DCC: variants seen among roughly 807,000 people sequenced by gnomAD.
DCC encodes the protein netrin receptor DCC.
DCC carries 58 observed loss-of-function variants against 172.5 expected under a neutral mutation model. The ratio of observed to expected loss-of-function variants is 0.34; its 90% CI spans 0.27 to 0.42. The LOEUF is 0.42. Ranked by LOEUF, DCC falls within the 10% of genes least tolerant of loss-of-function variation. The pLI, the probability that DCC is intolerant of heterozygous loss-of-function variation, is 1.00. For missense variants in DCC, 1,740 were observed against 1,791.0 expected (o/e 0.97, Z 0.51); for synonymous variants, 709 against 644.5 (o/e 1.10, Z -1.52).
At chr18:52,713,315 A>G (rs2036326435) in intron 1 of DCC, among the ~76,000 whole-genome samples, 1 of 152,224 alleles carries the variant, frequency 6.6e-6, no homozygotes, top group South Asian at 2.1e-4. Flanking sequence ...GGCTAATATC[A>G]CAGTCAGAGA....
rs1012916693 is a variant in DCC at position 53,203,933 on chromosome 18, C to G, written c.1574-1283C>G. 4.6e-5 allele frequency among the ~76,000 whole-genome samples: 7 copies of G among 152,178 alleles called. No individual in the cohort carries two copies. The East Asian group carries it at 1.4e-3, about 29-fold the overall frequency. On this transcript the variant is annotated intron_variant, in intron 9 of 28. Coordinates refer to ENST00000442544, the MANE Select transcript of DCC (RefSeq NM_005215.4). The stretch of plus-strand genomic sequence containing the variant: ...AGGAATACAAAATTATGAAAAAATA[C>G]AAAATTTGCAGAGAATCAAAATGGA...
At chr18:53,434,389 T>C (rs748561826) in intron 21 of DCC, among the ~76,000 whole-genome samples, 52 of 152,192 alleles carry the variant, frequency 3.4e-4, no homozygotes, top group Admixed American at 1.0e-3. Flanking sequence ...AATGCACCAG[T>C]AGAGAAAAAG....
At chr18:52,982,046 A>T (rs1052346718) in intron 5 of DCC, among the ~76,000 whole-genome samples, 1 of 152,150 alleles carries the variant, frequency 6.6e-6, no homozygotes, top group African/African-American at 2.4e-5. Flanking sequence ...CCAGATGCTT[A>T]CATAAAGAGC....
At chr18:53,206,199 TATA>T (rs1205492170) in intron 10 of DCC, among the ~76,000 whole-genome samples, 1 of 4,154 alleles carries the variant, frequency 2.4e-4, no homozygotes. Flanking sequence ...CGTATACATA[TATA>T]ATACATATAC....
intron 2 of DCC, among the ~76,000 whole-genome samples, chr18:52,768,545 C>T (rs1250768773): frequency 6.6e-6 from 1 of 152,180 alleles, no homozygotes; most frequent in Non-Finnish European, 1.5e-5. Flanking sequence ...TTTACCACGA[C>T]AAAAACCTGA....
chr18:52,613,746 T>C (rs567896790), intron 1 of DCC, among the ~76,000 whole-genome samples: 73 of 152,322 alleles, frequency 4.8e-4, no homozygotes, highest in Non-Finnish European at 8.4e-4. Context: ...ACCATGAGTT[T>C]CCTTTGTTAT....
chr18:53,414,305 G>T (rs186781255), intron 20 of DCC, among the ~76,000 whole-genome samples: 44 of 152,096 alleles, frequency 2.9e-4, no homozygotes, highest in Admixed American at 7.9e-4. Flanking sequence ...ACTGTATTAT[G>T]TACTTAAAAT....
At chr18:53,316,469 G>GTT (rs200779485) in intron 13 of DCC, among the ~76,000 whole-genome samples, 22 of 148,796 alleles carry the variant, frequency 1.5e-4, no homozygotes, top group South Asian at 4.2e-4. Context: ...ATTTAAAGAA[G>GTT]TTTTTTTTTT....
At position 52,981,861 on chromosome 18, in the gene DCC, T is replaced by C. The variant is rs151254707; in HGVS notation, c.985+56491T>C. Among the ~76,000 whole-genome samples the C allele has an allele frequency of 4.7e-4, 71 of 152,188 alleles. 1 individual carries two copies. Among genetic ancestry groups the C allele is most frequent in the Middle Eastern group, 3.4e-3 (1 of 294 alleles). ...ATGAGTAATGAAAAATAAACAGTTA[T>C]AGATGAATAATGGAGAGAAGAGTTT... On this transcript the variant is annotated intron_variant, in intron 5 of 28. Transcript: ENST00000442544.
intron 1 of DCC, among the ~76,000 whole-genome samples, chr18:52,613,416 C>T (rs761985318): frequency 4.6e-5 from 7 of 151,856 alleles, no homozygotes; most frequent in African/African-American, 1.2e-4. Context: ...CCACCACGCC[C>T]GGCTAATTTT....
intron 5 of DCC, among the ~76,000 whole-genome samples, chr18:53,020,963 A>G (rs1246673983): frequency 5.3e-5 from 8 of 151,300 alleles, no homozygotes; most frequent in Admixed American, 3.9e-4. Flanking sequence ...TGAGAAGCTA[A>G]TGGCTACCTG....
chr18:52,851,083 A>G (rs1300447358), intron 2 of DCC, among the ~76,000 whole-genome samples: 1 of 152,156 alleles, frequency 6.6e-6, no homozygotes, highest in Non-Finnish European at 1.5e-5. Context: ...TAACACATTC[A>G]TAGTCTACCA....
chr18:52,490,863 T>G (rs1276188265), intron 1 of DCC, among the ~76,000 whole-genome samples: 1 of 152,072 alleles, frequency 6.6e-6, no homozygotes, highest in African/African-American at 2.4e-5. Context: ...GCTTCTAAAG[T>G]GAAACAAGAG....
At chr18:53,095,053 G>T (rs1300944089) in intron 7 of DCC, among the ~76,000 whole-genome samples, 7 of 152,148 alleles carry the variant, frequency 4.6e-5, no homozygotes, top group South Asian at 2.1e-4. Flanking sequence ...ATTACAGTTG[G>T]CAACAGAAGT....
intron 5 of DCC, among the ~76,000 whole-genome samples, chr18:52,950,929 C>CAAAAAAAAAAAAAAAAAAAAAAAA (rs755118442): frequency 5.2e-5 from 3 of 57,424 alleles, no homozygotes; most frequent in Admixed American, 3.0e-4. Flanking sequence ...GACTCCGTCT[C>CAAAAAAAAAAAAAAAAAAAAAAAA]AAAAAAAAAA....
intron 23 of DCC, among the ~76,000 whole-genome samples, chr18:53,458,232 A>C (rs2045507243): frequency 6.6e-6 from 1 of 152,250 alleles, no homozygotes; most frequent in Non-Finnish European, 1.5e-5. Context: ...GTAGAGATTT[A>C]AAAGTTATAA....
intron 26 of DCC, among the ~76,000 whole-genome samples, chr18:53,498,342 A>G (rs2065714413): frequency 6.6e-6 from 1 of 152,212 alleles, no homozygotes; most frequent in Non-Finnish European, 1.5e-5. Flanking sequence ...ATATCACTGC[A>G]TTTTGTTTTG....
At chr18:53,414,142 A>T (rs2053496059) in intron 20 of DCC, among the ~76,000 whole-genome samples, 1 of 152,210 alleles carries the variant, frequency 6.6e-6, no homozygotes, top group Admixed American at 6.5e-5. Flanking sequence ...ACCTTTAAAA[A>T]TGTTTGTTAA....
chr18:52,700,352 C>A (rs974436091), intron 1 of DCC, among the ~76,000 whole-genome samples: 11 of 135,634 alleles, frequency 8.1e-5, no homozygotes, highest in Non-Finnish European at 1.2e-4. Context: ...CACACTCACT[C>A]ACATGCACAC....
Sources: allele counts gnomAD v4.1 joint callset (sites outside exome capture counted in the v4.1 genomes callset), GRCh38; gene constraint gnomAD v4.1.1; transcripts MANE v1.5; gene names NCBI Gene and HGNC (gene_info 2026-07-23, HGNC 2026-07-21).